Variants in MAST2 observed in about 807,000 individuals in gnomAD.
MAST2 encodes the protein microtubule associated serine/threonine kinase 2, also known as microtubule-associated serine/threonine-protein kinase 2.
MAST2 carries 70 observed loss-of-function variants against 147.4 expected under a neutral mutation model. The ratio of observed to expected loss-of-function variants is 0.47; its 90% CI spans 0.39 to 0.58. The LOEUF (loss-of-function observed/expected upper bound fraction) is 0.58. MAST2 is among the 20% of genes least tolerant of loss of function. The probability of loss-of-function intolerance (pLI) is 0.00; values close to 1 mark genes in which losing one functional copy is unlikely to be tolerated. For missense variants in MAST2, 2,080 were observed against 2,302.3 expected, an observed-to-expected ratio of 0.90 and a Z score of 1.98; for synonymous variants, 869 against 896.8, an observed-to-expected ratio of 0.97 and a Z score of 0.55.
At chr1:45,898,519 T>A (rs1649160595) in intron 4 of MAST2, among the ~76,000 whole-genome samples, 1 of 152,136 alleles carries the variant, frequency 6.6e-6, no homozygotes, top group Admixed American at 6.5e-5. Context: ...TTTTTTTTGT[T>A]GTTGTTGTTT....
intron 3 of MAST2, among the ~76,000 whole-genome samples, chr1:45,838,311 C>T (rs1448139033): frequency 3.4e-5 from 5 of 148,462 alleles, no homozygotes; most frequent in African/African-American, 1.2e-4. Flanking sequence ...CCTCCGCCTC[C>T]TGGGTTCAAG....
chr1:45,977,682 C>T (rs1644225698), intron 5 of MAST2, among the ~76,000 whole-genome samples: 1 of 151,842 alleles, frequency 6.6e-6, no homozygotes, highest in Admixed American at 6.6e-5. Flanking sequence ...TGTCTGTAAT[C>T]CCAGCTACTC....
Position 46,024,839 on chromosome 1 carries a change from C to T in MAST2, c.1781-838C>T, listed in dbSNP as rs781393749. Among the ~76,000 whole-genome samples, 337 of 152,264 alleles carry T rather than the reference C, an allele frequency of 2.2e-3. 1 individual carries two copies. Among genetic ancestry groups the T allele is most frequent in the Non-Finnish European group, 4.1e-3 (279 of 68,016 alleles). On this transcript the variant is annotated intron_variant, in intron 15 of 28. Coordinates refer to ENST00000361297, the MANE Select transcript of MAST2 (RefSeq NM_015112.3). ...CTTTACTTTCCACCCCCCTCCATAC[C>T]CTGTGTATTTTCATGCTGCTAATAA...
intron 3 of MAST2, among the ~76,000 whole-genome samples, chr1:45,844,957 G>A (rs926526644): frequency 6.6e-6 from 1 of 152,112 alleles, no homozygotes; most frequent in Non-Finnish European, 1.5e-5. Flanking sequence ...AGGTGGAAGG[G>A]CAATAGAGAA....
At position 46,031,722 on chromosome 1, in the gene MAST2, T is replaced by TTGG; in HGVS notation, c.3187+140_3187+142dup. 2 of 874,074 alleles carry TTGG rather than the reference T, an allele frequency of 2.3e-6. No individual in the cohort carries two copies. The highest frequency in any genetic ancestry group is 3.5e-5 in the South Asian group (2 of 57,328). The allele number at this position is 874,074 out of a possible 1,614,324, so 54.1% of individuals were successfully genotyped here. On this transcript the variant is annotated intron_variant, in intron 24 of 28. Transcript: ENST00000361297. This position sits in a 1 kb window ranked among gnomAD's most constrained non-coding sequence, Gnocchi z 4.1. The stretch of plus-strand genomic sequence containing the variant: ...TGACTGTGGTCTCTGAAGGTGTGTA[T>TTGG]TGGTGTCTGGGGTTGTGTATACATG...
intron 3 of MAST2, among the ~76,000 whole-genome samples, chr1:45,837,282 C>A (rs929628855): frequency 3.9e-5 from 6 of 152,244 alleles, no homozygotes; most frequent in Non-Finnish European, 8.8e-5. Context: ...TGTTCTCTCT[C>A]CCCAGGCCCA....
At chr1:45,877,705 A>T (rs1646665241) in intron 3 of MAST2, among the ~76,000 whole-genome samples, 1 of 152,226 alleles carries the variant, frequency 6.6e-6, no homozygotes, top group East Asian at 1.9e-4. Flanking sequence ...TTAAGGAAGA[A>T]ATAACACCAG....
chr1:45,972,677 G>A (rs920168636), intron 5 of MAST2, among the ~76,000 whole-genome samples: 1 of 152,070 alleles, frequency 6.6e-6, no homozygotes, highest in African/African-American at 2.4e-5. Context: ...CAGGTTACCC[G>A]CACCCCATCA....
At chr1:45,949,830 A>C (rs1169617285) in intron 4 of MAST2, among the ~76,000 whole-genome samples, 1 of 152,220 alleles carries the variant, frequency 6.6e-6, no homozygotes. Flanking sequence ...AATGCCCATT[A>C]ATGATAGATG....
At chr1:46,022,224 C>A in intron 12 of MAST2, 142 bp downstream of exon 12, 1 of 953,194 alleles carries the variant, frequency 1.0e-6, no homozygotes, top group Non-Finnish European at 1.5e-6. Flanking sequence ...AGGAGATACC[C>A]TGTGATCTCT....
At chr1:45,895,724 A>G (rs796843252) in intron 4 of MAST2, among the ~76,000 whole-genome samples, 21 of 152,366 alleles carry the variant, frequency 1.4e-4, no homozygotes, top group African/African-American at 5.0e-4. Context: ...ACATTCAAAG[A>G]TGAAAGAAAA....
At chr1:45,990,551 T>C (rs1276930972) in intron 5 of MAST2, among the ~76,000 whole-genome samples, 1 of 152,162 alleles carries the variant, frequency 6.6e-6, no homozygotes, top group Non-Finnish European at 1.5e-5. Flanking sequence ...TGGAGTTCAG[T>C]GGTGCAGTCA....
chr1:45,995,941 C>T (rs1403048452), intron 5 of MAST2, among the ~76,000 whole-genome samples: 1 of 152,146 alleles, frequency 6.6e-6, no homozygotes, highest in Non-Finnish European at 1.5e-5. Flanking sequence ...CATCACACAA[C>T]ATGTGGGTAT....
rs777420431 is a variant in MAST2, at chr1:46,031,205, A to G, written c.2907A>G (p.Val969=). 5.1e-6 allele frequency: 8 copies of G among 1,562,956 alleles called. 1 individual carries two copies. Among genetic ancestry groups the G allele is most frequent in the Non-Finnish European group, 6.1e-6 (7 of 1,151,404 alleles). ...TGACACCCCCATCTGGAGAGGGGGTATCTGGGCCTGTCACTGAACACTCAG... is the reference window on the plus strand; with the variant it reads ...TGACACCCCCATCTGGAGAGGGGGTGTCTGGGCCTGTCACTGAACACTCAG... ...WVLTPPSGEG[V]SGPVTEHSGE... Residue 969 remains valine (V), a synonymous_variant, in exon 23 of 29, where the codon GTA becomes GTG. Transcript: ENST00000361297. This position sits in a 1 kb window ranked among gnomAD's most constrained non-coding sequence, Gnocchi z 4.1.
At chr1:46,032,094 A>G in intron 24 of MAST2, 84 bp from the exon 25 acceptor site, 2 of 1,026,852 alleles carry the variant, frequency 1.9e-6, no homozygotes, top group Non-Finnish European at 3.1e-6. Context: ...GTCTGTGACT[A>G]GAGTTGTGCT....
chr1:45,889,324 C>G (rs1647301815), intron 4 of MAST2, among the ~76,000 whole-genome samples: 1 of 151,964 alleles, frequency 6.6e-6, no homozygotes, highest in East Asian at 1.9e-4. Context: ...GTAGCTGGGA[C>G]CACAGGTGCA....
chr1:45,924,792 A>C (rs1654097571), intron 4 of MAST2, among the ~76,000 whole-genome samples: 1 of 152,180 alleles, frequency 6.6e-6, no homozygotes, highest in Non-Finnish European at 1.5e-5. Flanking sequence ...ATAGATCCTA[A>C]TCCAGTATGA....
At chr1:46,022,684 A>T (rs1275916297) in intron 12 of MAST2, among the ~76,000 whole-genome samples, 1 of 152,186 alleles carries the variant, frequency 6.6e-6, no homozygotes, top group African/African-American at 2.4e-5. Flanking sequence ...GGCCCTGTGA[A>T]TGGCAATGGA....
At chr1:45,976,463 GGCACAT>G (rs1300499655) in intron 5 of MAST2, among the ~76,000 whole-genome samples, 1 of 152,132 alleles carries the variant, frequency 6.6e-6, no homozygotes, top group African/African-American at 2.4e-5. Flanking sequence ...CAGGCATAGT[GGCACAT>G]GCCTGTAATC....
Sources: allele counts gnomAD v4.1 joint callset (sites outside exome capture counted in the v4.1 genomes callset), GRCh38; gene constraint gnomAD v4.1.1; non-coding constraint Gnocchi (gnomAD v3.1); transcripts MANE v1.5; gene names NCBI Gene and HGNC (gene_info 2026-07-23, HGNC 2026-07-21).